Variants in LAMA2 observed in about 807,000 individuals in gnomAD.
LAMA2 encodes the protein laminin subunit alpha-2.
LAMA2 carries 269 observed loss-of-function variants against 364.8 expected under a neutral mutation model. The ratio of observed to expected loss-of-function variants is 0.74; its 90% CI spans 0.67 to 0.82. The LOEUF (loss-of-function observed/expected upper bound fraction) is 0.82. LAMA2 is among the 40% of genes least tolerant of loss of function. The probability of loss-of-function intolerance (pLI) is 0.00; values close to 1 mark genes in which losing one functional copy is unlikely to be tolerated. For missense variants in LAMA2, 3,807 were observed against 3,873.2 expected, an observed-to-expected ratio of 0.98 and a Z score of 0.45; for synonymous variants, 1,379 against 1,370.6, an observed-to-expected ratio of 1.01 and a Z score of -0.14.
At chr6:129,235,708 T>C (rs550206280) in intron 12 of LAMA2, among the ~76,000 whole-genome samples, 164 of 152,296 alleles carry the variant, frequency 1.1e-3, no homozygotes, top group African/African-American at 3.9e-3. Flanking sequence ...TTGGGGAACT[T>C]AGTAGAAAAA....
intron 3 of LAMA2, among the ~76,000 whole-genome samples, chr6:129,076,490 A>ATC (rs932272643): frequency 2.4e-4 from 3 of 12,428 alleles, no homozygotes. Context: ...TATCTTATAT[A>ATC]TTATATATAA....
At chr6:129,156,361 G>C (rs532735491) in intron 8 of LAMA2, among the ~76,000 whole-genome samples, 2 of 151,808 alleles carry the variant, frequency 1.3e-5, no homozygotes, top group Admixed American at 1.3e-4. Context: ...ATTCATGTCA[G>C]TGTTCCAGTA....
chr6:129,072,479 A>G (rs925516853), intron 3 of LAMA2, among the ~76,000 whole-genome samples: 1 of 152,042 alleles, frequency 6.6e-6, no homozygotes, highest in African/African-American at 2.4e-5. Flanking sequence ...GAGCAGCATA[A>G]ATTTGAATTG....
chr6:129,347,031 AC>A (rs1776593867), intron 30 of LAMA2, among the ~76,000 whole-genome samples: 7 of 152,150 alleles, frequency 4.6e-5, no homozygotes. Flanking sequence ...GGTGGTTGGA[AC>A]AGAGTGAATG....
intron 1 of LAMA2, among the ~76,000 whole-genome samples, chr6:128,942,933 G>T (rs1468382672): frequency 6.6e-6 from 1 of 152,196 alleles, no homozygotes; most frequent in African/African-American, 2.4e-5. Flanking sequence ...TAGTTTCAGT[G>T]AGGAAGAGCA....
rs569916243 is a variant in LAMA2, at chr6:129,484,857, T to C, written c.7750-1617T>C. ...GAAACTCATAAGAGATGCAATGGTA[T>C]TGTTTCTGAAATTTGGTGGTAGATT... is the stretch of plus-strand genomic sequence containing the variant. On this transcript the variant is annotated intron_variant, in intron 55 of 64. Transcript: ENST00000421865. 7.2e-5 allele frequency among the ~76,000 whole-genome samples: 11 copies of C among 152,298 alleles called. No individual in the cohort carries two copies. The East Asian group carries it at 1.2e-3, about 16-fold the overall frequency.
intron 35 of LAMA2, among the ~76,000 whole-genome samples, chr6:129,384,859 A>G (rs1381866896): frequency 6.6e-6 from 1 of 151,876 alleles, no homozygotes; most frequent in Non-Finnish European, 1.5e-5. Flanking sequence ...GTGAAGTGCC[A>G]TGTGGGATAG....
chr6:128,957,324 A>G (rs1474568956), intron 1 of LAMA2, among the ~76,000 whole-genome samples: 1 of 152,196 alleles, frequency 6.6e-6, no homozygotes, highest in Non-Finnish European at 1.5e-5. Flanking sequence ...CTTGTCTTCA[A>G]TATACCTACC....
intron 12 of LAMA2, among the ~76,000 whole-genome samples, chr6:129,233,713 G>T (rs554975784): frequency 6.6e-6 from 1 of 152,250 alleles, no homozygotes; most frequent in South Asian, 2.1e-4. Context: ...TCAAACCTGT[G>T]TTGTTCAGGT....
intron 41 of LAMA2, among the ~76,000 whole-genome samples, chr6:129,438,088 A>ATATTGTT (rs1391489044): frequency 6.6e-6 from 1 of 151,730 alleles, no homozygotes; most frequent in Admixed American, 6.6e-5. Flanking sequence ...ATTTGTAAAA[A>ATATTGTT]TATTGTTTTC....
intron 63 of LAMA2, among the ~76,000 whole-genome samples, chr6:129,513,614 G>A (rs1205229629): frequency 4.0e-5 from 6 of 151,800 alleles, no homozygotes; most frequent in Admixed American, 6.6e-5. Flanking sequence ...TTACCTTGTC[G>A]AATGTCTTGC....
chr6:129,195,452 A>C (rs1394271899), intron 12 of LAMA2, among the ~76,000 whole-genome samples: 2 of 152,226 alleles, frequency 1.3e-5, no homozygotes, highest in Admixed American at 1.3e-4. Context: ...ATGAAGTATA[A>C]GTAAGTGATT....
At chr6:129,459,631 A>C (rs528333135) in intron 48 of LAMA2, among the ~76,000 whole-genome samples, 1 of 152,200 alleles carries the variant, frequency 6.6e-6, no homozygotes, top group African/African-American at 2.4e-5. Context: ...TTACAGCAGC[A>C]CTACCATAGA....
At chr6:129,235,942 G>C (rs1784954277) in intron 12 of LAMA2, among the ~76,000 whole-genome samples, 1 of 152,164 alleles carries the variant, frequency 6.6e-6, no homozygotes, top group African/African-American at 2.4e-5. Flanking sequence ...AGACAAATCT[G>C]AAATACTGTG....
chr6:129,316,089 C>T lies in LAMA2; in HGVS notation c.3976C>T (p.Arg1326Ter), dbSNP rs398123373. 76 of 1,611,900 alleles carry T rather than the reference C, an allele frequency of 4.7e-5. No individual in the cohort carries two copies. Among genetic ancestry groups the T allele is most frequent in the Non-Finnish European group, 5.6e-5 (66 of 1,178,286 alleles). The change falls in exon 27 of 65, where the codon CGA becomes TGA. Residue 1326 changes from arginine (R) to a stop codon, truncating the protein, a stop_gained. Coordinates refer to ENST00000421865, the MANE Select transcript of LAMA2 (RefSeq NM_000426.4). LOFTEE classifies it high-confidence loss of function. ...DDPRVHRTVTREDFLDILYDI... is the reference protein window; with the variant it reads ...DDPRVHRTVT ...TCCTCGAGTCCATAGAACTGTGACC[C>T]GAGAAGACTTCTTGGATATACTATA...
At chr6:129,372,022 A>G (rs1358820151) in intron 34 of LAMA2, among the ~76,000 whole-genome samples, 7 of 152,102 alleles carry the variant, frequency 4.6e-5, no homozygotes, top group Admixed American at 1.3e-4. Context: ...ATTTTTTAGA[A>G]CAGCTTAAAG....
chr6:128,884,945 A>G (rs551709603), intron 1 of LAMA2, among the ~76,000 whole-genome samples: 4 of 152,310 alleles, frequency 2.6e-5, no homozygotes, highest in African/African-American at 7.2e-5. Context: ...GAACACACAC[A>G]GGATTTCTCT....
intron 22 of LAMA2, among the ~76,000 whole-genome samples, chr6:129,304,920 C>T (rs561300052): frequency 2.6e-5 from 4 of 152,120 alleles, no homozygotes; most frequent in Non-Finnish European, 5.9e-5. Flanking sequence ...ATAACATGTG[C>T]ACTTGAAAAT....
intron 1 of LAMA2, among the ~76,000 whole-genome samples, chr6:128,958,500 A>G (rs1321449720): frequency 1.3e-5 from 2 of 152,080 alleles, no homozygotes; most frequent in African/African-American, 4.8e-5. Context: ...ACCTATTATA[A>G]TGTGTGATTT....
Sources: allele counts gnomAD v4.1 joint callset (sites outside exome capture counted in the v4.1 genomes callset), GRCh38; gene constraint gnomAD v4.1.1; transcripts MANE v1.5; gene names NCBI Gene and HGNC (gene_info 2026-07-23, HGNC 2026-07-21).